The following HMSD variants were observed in gnomAD, a reference collection of about 807,000 sequenced individuals.
The protein encoded by HMSD is histocompatibility minor serpin domain containing, also known as serpin-like protein HMSD.
A neutral mutation model predicts 10.0 loss-of-function variants in HMSD; 13 were observed. That is an observed-to-expected ratio of 1.31 (90% CI 0.85 to 2.08). The LOEUF (loss-of-function observed/expected upper bound fraction) is 2.08, where lower values mean the gene tolerates loss of function less well. Ranked by LOEUF, HMSD falls within the 30% of genes most tolerant of loss-of-function variation. HMSD has a pLI of 0.00. For missense variants in HMSD, 169 were observed against 166.3 expected (o/e 1.02, Z -0.09); for synonymous variants, 51 against 54.2 (o/e 0.94, Z 0.26).
At chr18:63,952,039 A>T (rs935096645) in intron 1 of HMSD, among the ~76,000 whole-genome samples, 5 of 150,650 alleles carry the variant, frequency 3.3e-5, no homozygotes, top group Non-Finnish European at 7.4e-5. Context: ...TATCGCAAGA[A>T]CAAAAAACCA....
At chr18:63,963,111 TTCTTTCTTTC>T (rs772197054), downstream of HMSD, among the ~76,000 whole-genome samples, 21 of 143,482 alleles carry the variant, frequency 1.5e-4, no homozygotes, top group Non-Finnish European at 2.3e-4. Flanking sequence ...CTTTCTTTCT[TTCTTTCTTTC>T]TTTCTTTCTT....
At chr18:63,957,356 T>C (rs2050364350) in intron 3 of HMSD, among the ~76,000 whole-genome samples, 1 of 152,216 alleles carries the variant, frequency 6.6e-6, no homozygotes, top group African/African-American at 2.4e-5. Flanking sequence ...TAAACACTTT[T>C]ATGTGTATTG....
At chr18:63,964,466 G>A (rs1404480012), downstream of HMSD, among the ~76,000 whole-genome samples, 5 of 152,208 alleles carry the variant, frequency 3.3e-5, no homozygotes, top group Non-Finnish European at 7.3e-5. Context: ...CTTGAACCCA[G>A]GAGGCAGAGG....
intron 3 of HMSD, among the ~76,000 whole-genome samples, chr18:63,956,987 C>T (rs140943587): frequency 3.0e-4 from 46 of 152,124 alleles, no homozygotes; most frequent in African/African-American, 9.2e-4. Context: ...AAACCAAATA[C>T]CACATGTTCT....
chr18:63,968,275 T>G (rs2050420055), intron 3 of HMSD: 2 of 152,248 alleles, frequency 1.3e-5, no homozygotes, highest in African/African-American at 4.8e-5. Context: ...CAGAGGGACC[T>G]TCGTAAATAC....
downstream of HMSD, among the ~76,000 whole-genome samples, chr18:63,963,117 C>CTT (rs879922360): frequency 1.6e-5 from 2 of 126,424 alleles, no homozygotes; most frequent in Admixed American, 7.8e-5. Context: ...TTCTTTCTTT[C>CTT]TTTCTTTCTT....
At chr18:63,952,999 TTGTTA>T (rs1269516219) in intron 1 of HMSD, among the ~76,000 whole-genome samples, 2 of 152,242 alleles carry the variant, frequency 1.3e-5, no homozygotes, top group African/African-American at 4.8e-5. Flanking sequence ...GCTGCTGCTT[TTGTTA>T]TAAGTCCTTA....
chr18:63,960,213 T>C lies in HMSD; in HGVS notation c.278T>C (p.Phe93Ser), dbSNP rs1228464548. The change falls in exon 4 of 4, where the codon TTT becomes TCT. Residue 93 changes from phenylalanine (F) to serine (S), a missense_variant. By Grantham distance (155) the Phe-to-Ser change is radical. Coordinates refer to ENST00000408945, the MANE Select transcript of HMSD (RefSeq NM_001123366.2). ...CAAGCAACGATAAAACAGCTAGACTTTGTGAATGATACAGAGAAGTCCACA... is the reference window on the plus strand; with the variant it reads ...CAAGCAACGATAAAACAGCTAGACTCTGTGAATGATACAGAGAAGTCCACA... ...FYQATIKQLD[F>S]VNDTEKSTTR... 2 of 1,613,368 alleles carry C rather than the reference T, an allele frequency of 1.2e-6. No homozygotes were observed. Among genetic ancestry groups the C allele is most frequent in the Middle Eastern group, 1.7e-4 (1 of 6,056 alleles).
downstream of HMSD, among the ~76,000 whole-genome samples, chr18:63,963,087 TTCTTTCTTTCTTTC>T (rs1171507155): frequency 9.7e-6 from 1 of 102,702 alleles, no homozygotes; most frequent in Non-Finnish European, 2.0e-5. Context: ...CTTTCTTTCT[TTCTTTCTTTCTTTC>T]TTTCTTTCTT....
intron 1 of HMSD, among the ~76,000 whole-genome samples, chr18:63,951,129 A>C (rs1265899800): frequency 6.6e-6 from 1 of 152,208 alleles, no homozygotes; most frequent in Non-Finnish European, 1.5e-5. Flanking sequence ...TGATTTATTC[A>C]GTTTATTATT....
chr18:63,963,223 C>T (rs9961666), downstream of HMSD, among the ~76,000 whole-genome samples: 1 of 74,200 alleles, frequency 1.3e-5, no homozygotes, highest in African/African-American at 1.2e-4. Context: ...TTCCTTCCTT[C>T]CTTGCTTCCT....
At chr18:63,963,046 T>TTTTCTTTCTTTCTTTCTTTCTTTC (rs148830154), downstream of HMSD, among the ~76,000 whole-genome samples, 14 of 125,514 alleles carry the variant, frequency 1.1e-4, no homozygotes, top group African/African-American at 5.1e-4. Context: ...TCAGATGTAG[T>TTTTCTTTCTTTCTTTCTTTCTTTC]TTTCTTTCTT....
At chr18:63,958,124 T>C (rs9953837) in intron 3 of HMSD, among the ~76,000 whole-genome samples, 45,376 of 152,054 alleles carry the variant, frequency 0.3, 7,997 homozygotes, top group African/African-American at 0.49. Flanking sequence ...GCATGAATTA[T>C]GGGAGGATTA....
downstream of HMSD, among the ~76,000 whole-genome samples, chr18:63,966,168 G>A (rs1450995927): frequency 3.9e-5 from 6 of 152,164 alleles, no homozygotes; most frequent in Admixed American, 3.3e-4. Flanking sequence ...GTGGGTTTTC[G>A]TGGAGACAAA....
In HMSD at chr18:63,960,520, T is replaced by C. The variant is rs1472585864; in HGVS notation, c.*165T>C. ...TCTTCCAGGTTTTTTTGCTTGTTAA[T>C]ATTAGGTAGTTTTTCTTTTCACAAA... On this transcript the variant is annotated 3_prime_UTR_variant, in exon 4 of 4. Transcript: ENST00000408945. 5 of 1,064,070 alleles carry C rather than the reference T, an allele frequency of 4.7e-6. No individual in the cohort carries two copies. Among genetic ancestry groups the C allele is most frequent in the Admixed American group, 7.3e-5 (2 of 27,328 alleles). The allele number at this position is 1,064,070 out of a possible 1,614,324, so 65.9% of individuals were successfully genotyped here.
Position 63,960,502 on chromosome 18 carries a change from G to T in HMSD, c.*147G>T. 6.5e-6 allele frequency: 8 copies of T among 1,232,812 alleles called. No individual in the cohort carries two copies. Among genetic ancestry groups the T allele is most frequent in the South Asian group, 3.2e-5 (2 of 62,440 alleles). The allele number at this position is 1,232,812 out of a possible 1,614,324, so 76.4% of individuals were successfully genotyped here. ...TCTCTAGATGAAATAATCTCTTCCA[G>T]GTTTTTTTGCTTGTTAATATTAGGT... is the stretch of plus-strand genomic sequence containing the variant. On this transcript the variant is annotated 3_prime_UTR_variant, in exon 4 of 4. Coordinates refer to ENST00000408945, the MANE Select transcript of HMSD (RefSeq NM_001123366.2).
At chr18:63,951,765 C>T (rs1362941944) in intron 1 of HMSD, among the ~76,000 whole-genome samples, 1 of 152,142 alleles carries the variant, frequency 6.6e-6, no homozygotes, top group East Asian at 1.9e-4. Context: ...AATTAATCAT[C>T]AGCCCTAAAT....
chr18:63,955,756 C>T (rs541366885), intron 3 of HMSD, among the ~76,000 whole-genome samples: 1 of 152,190 alleles, frequency 6.6e-6, no homozygotes, highest in East Asian at 1.9e-4. Flanking sequence ...TGTCGAGATC[C>T]ATCTAGGCAG....
intron 2 of HMSD, 69 bp downstream of exon 2, chr18:63,953,596 T>C: frequency 7.7e-7 from 1 of 1,291,370 alleles, no homozygotes; most frequent in East Asian, 2.4e-5. Flanking sequence ...CTTCTGCATT[T>C]CAAGTCTTGA....
Sources: gnomAD v4.1 joint callset for allele counts (sites outside exome capture counted in the v4.1 genomes callset) on GRCh38, gnomAD v4.1.1 for gene constraint, MANE v1.5 for transcripts, NCBI Gene and HGNC (gene_info 2026-07-23, HGNC 2026-07-21) for gene names.